FER: variants seen among roughly 807,000 people sequenced by gnomAD.
FER encodes tyrosine-protein kinase Fer.
FER carries 63 observed loss-of-function variants against 111.0 expected under a neutral mutation model. The ratio of observed to expected loss-of-function variants is 0.57; its 90% confidence interval spans 0.46 to 0.70. The LOEUF is 0.70. Ranked by LOEUF, FER falls within the 30% of genes least tolerant of loss-of-function variation. The pLI, the probability that FER is intolerant of heterozygous loss-of-function variation, is 0.00. For missense variants in FER, 914 were observed against 954.0 expected, an observed-to-expected ratio of 0.96 and a Z score of 0.55; for synonymous variants, 327 against 313.9, an observed-to-expected ratio of 1.04 and a Z score of -0.44.
At chr5:108,955,535 A>G (rs188411688) in intron 12 of FER, among the ~76,000 whole-genome samples, 1 of 151,906 alleles carries the variant, frequency 6.6e-6, no homozygotes, top group East Asian at 1.9e-4. Context: ...TTGCTAAACT[A>G]CTTTCTATGT....
rs370663101 is a variant in FER, at chr5:108,867,933, A to G, written c.648A>G (p.Glu216=). The part of the protein sequence containing the change: ...LLLDSLQKMQ[E]EMIKALKGIF... ...TGGACTCCTTACAAAAGATGCAAGA[A>G]GAAATGATAAAAGCACTGTAAGATA... Residue 216 remains glutamate (E), a synonymous_variant, in exon 6 of 20, where the codon GAA becomes GAG. Transcript: ENST00000281092. 3 of 1,607,076 alleles carry G rather than the reference A, an allele frequency of 1.9e-6. No homozygotes were observed. Among genetic ancestry groups the G allele is most frequent in the Non-Finnish European group, 1.7e-6 (2 of 1,177,964 alleles).
At chr5:109,071,977 T>C (rs991546809) in intron 16 of FER, among the ~76,000 whole-genome samples, 3 of 151,582 alleles carry the variant, frequency 2.0e-5, no homozygotes, top group African/African-American at 7.3e-5. Context: ...TCGGTGGATA[T>C]CTAATTTTGA....
chr5:109,153,222 AT>A, intron 17 of FER, among the ~76,000 whole-genome samples: 1 of 149,342 alleles, frequency 6.7e-6, no homozygotes, highest in South Asian at 2.2e-4. Flanking sequence ...AAAAAAAAAA[AT>A]CAATTTGGAC....
At chr5:108,762,276 T>C (rs1340628820) in intron 1 of FER, among the ~76,000 whole-genome samples, 2 of 152,336 alleles carry the variant, frequency 1.3e-5, no homozygotes, top group South Asian at 4.1e-4. Flanking sequence ...ATCTTTGTTT[T>C]TGCCCTGACC....
At chr5:108,866,709 G>A (rs1382263728) in intron 5 of FER, among the ~76,000 whole-genome samples, 5 of 151,974 alleles carry the variant, frequency 3.3e-5, no homozygotes. Context: ...CTGTTTCTGG[G>A]GAGAGGATTT....
At chr5:108,951,105 C>A (rs1259608789) in intron 11 of FER, among the ~76,000 whole-genome samples, 1 of 151,876 alleles carries the variant, frequency 6.6e-6, no homozygotes, top group East Asian at 1.9e-4. Flanking sequence ...CCTGTCTCCA[C>A]TAAAAGTACA....
intron 1 of FER, among the ~76,000 whole-genome samples, chr5:108,764,490 C>T (rs1306961326): frequency 3.3e-5 from 5 of 152,102 alleles, no homozygotes; most frequent in Admixed American, 6.5e-5. Flanking sequence ...CTCTACCTCC[C>T]GTGTTCAAGC....
chr5:109,191,565 A>C lies in FER; in HGVS notation c.*3990A>C, dbSNP rs898041011. The C allele has an allele frequency of 1.3e-5, 2 of 152,128 alleles. No individual in the cohort carries two copies. The highest frequency in any genetic ancestry group is 4.8e-5 in the African/African-American group (2 of 41,448). 9.4% of individuals were successfully genotyped at this position (152,128 alleles called of 1,614,324 possible). A position where few individuals can be genotyped will look rare whatever the true frequency, so the allele number is the denominator to read the frequency against. On this transcript the variant is annotated 3_prime_UTR_variant, in exon 20 of 20. Coordinates refer to ENST00000281092, the MANE Select transcript of FER (RefSeq NM_005246.4). The stretch of plus-strand genomic sequence containing the variant: ...GCAGAGAGACAGACAGTTGGAAAAG[A>C]CATGTTTTCTTTAGGTATTAATATC...
chr5:109,108,641 A>C (rs1749236453), intron 17 of FER, among the ~76,000 whole-genome samples: 1 of 152,170 alleles, frequency 6.6e-6, no homozygotes, highest in South Asian at 2.1e-4. Context: ...GATTATCTCC[A>C]AAACTTGGCT....
chr5:108,813,934 G>A (rs1313103071), intron 3 of FER, among the ~76,000 whole-genome samples: 1 of 152,082 alleles, frequency 6.6e-6, no homozygotes, highest in Admixed American at 6.6e-5. Context: ...AACAAATGGA[G>A]AGAATAAACA....
At chr5:109,162,249 G>A (rs6882531) in intron 17 of FER, among the ~76,000 whole-genome samples, 66,913 of 151,802 alleles carry the variant, frequency 0.44, 15,483 homozygotes, top group African/African-American at 0.58. Context: ...GTATAACTCA[G>A]TCTGTTTCGT....
chr5:109,075,770 G>A (rs1026698314), intron 16 of FER, among the ~76,000 whole-genome samples: 3 of 151,998 alleles, frequency 2.0e-5, no homozygotes, highest in African/African-American at 7.3e-5. Flanking sequence ...AAAACATACC[G>A]AAATTAATCG....
chr5:108,802,553 T>G (rs1756780467), intron 3 of FER, among the ~76,000 whole-genome samples: 1 of 152,020 alleles, frequency 6.6e-6, no homozygotes, highest in Non-Finnish European at 1.5e-5. Flanking sequence ...GTTTCCATCT[T>G]TATATCCTTG....
chr5:108,857,459 T>C (rs1763112775), intron 5 of FER, among the ~76,000 whole-genome samples: 1 of 152,106 alleles, frequency 6.6e-6, no homozygotes, highest in African/African-American at 2.4e-5. Flanking sequence ...TGGAGTAAGG[T>C]GGTATACGCT....
chr5:108,760,473 C>G (rs1751607751), intron 1 of FER, among the ~76,000 whole-genome samples: 1 of 152,186 alleles, frequency 6.6e-6, no homozygotes, highest in East Asian at 1.9e-4. Flanking sequence ...CTATATAAGG[C>G]TGTTTCATAT....
rs137918625 is a variant in FER at position 108,946,162 on chromosome 5, T to C, written c.1269T>C (p.Ser423=). ...AGGAGAGGCTATCCAAATTTGAATC[T>C]ATTCGTCATTCAATTGCTGGAATAA... The part of the protein sequence containing the change: ...ERKERLSKFE[S]IRHSIAGIIR... Residue 423 remains serine (S), a synonymous_variant, in exon 11 of 20, where the codon TCT becomes TCC. Coordinates refer to ENST00000281092, the MANE Select transcript of FER (RefSeq NM_005246.4). 6.2e-7 allele frequency: 1 copy of C among 1,612,358 alleles called. No individual in the cohort carries two copies. The highest frequency in any genetic ancestry group is 8.5e-7 in the Non-Finnish European group (1 of 1,178,868).
intron 3 of FER, chr5:108,820,539 T>A: frequency 1.0e-6 from 1 of 985,254 alleles, no homozygotes; most frequent in Non-Finnish European, 1.2e-6. Context: ...TATAATTTCT[T>A]AATTTCTTTT....
At chr5:109,072,712 T>C (rs2149998535) in intron 16 of FER, among the ~76,000 whole-genome samples, 1 of 152,134 alleles carries the variant, frequency 6.6e-6, no homozygotes, top group East Asian at 1.9e-4. Context: ...TGTATTGGTT[T>C]GATAGGACTG....
chr5:109,028,968 T>C (rs1404241199), intron 13 of FER, among the ~76,000 whole-genome samples: 1 of 152,230 alleles, frequency 6.6e-6, no homozygotes, highest in Non-Finnish European at 1.5e-5. Context: ...TATTTATGTT[T>C]ACTTTAAGCA....
Sources: allele counts gnomAD v4.1 joint callset (sites outside exome capture counted in the v4.1 genomes callset), GRCh38; gene constraint gnomAD v4.1.1; transcripts MANE v1.5; gene names NCBI Gene and HGNC (gene_info 2026-07-23, HGNC 2026-07-21).